Variants in ADAMTS6 observed in about 807,000 individuals in gnomAD.
ADAMTS6 encodes ADAM metallopeptidase with thrombospondin type 1 motif 6, also known as A disintegrin and metalloproteinase with thrombospondin motifs 6.
A neutral mutation model predicts 144.3 loss-of-function variants in ADAMTS6; 23 were observed. That is an observed-to-expected ratio of 0.16 (90% confidence interval 0.11 to 0.23). ADAMTS6 has a LOEUF of 0.23. Among genes scored for constraint, ADAMTS6 ranks in the 10% least tolerant of loss-of-function variants. The pLI, the probability that ADAMTS6 is intolerant of heterozygous loss-of-function variation, is 1.00. For synonymous variants in ADAMTS6, 444 were observed against 457.5 expected, an observed-to-expected ratio of 0.97 and a Z score of 0.38; for missense variants, 999 against 1,379.6, an observed-to-expected ratio of 0.72 and a Z score of 4.37.
At position 65,247,699 on chromosome 5, in the gene ADAMTS6, T is replaced by C. The variant is rs73761866; in HGVS notation, c.1831-5493A>G. Among the ~76,000 whole-genome samples the C allele has an allele frequency of 5.7e-3, 873 of 152,224 alleles. 12 individuals carry two copies. The highest frequency in any genetic ancestry group is 0.02 in the African/African-American group (830 of 41,522). On this transcript the variant is annotated intron_variant, in intron 14 of 24. Transcript: ENST00000381055. ...TTTCCTCTCCTCCTCTAAAGGAAGA[T>C]ATGCAGGCTGGAAGGATAGAATGAC...
intron 11 of ADAMTS6, 77 bp from the exon 12 acceptor site, chr5:65,273,524 C>T: frequency 8.6e-7 from 1 of 1,169,424 alleles, no homozygotes; most frequent in Non-Finnish European, 1.3e-6. Flanking sequence ...CTTACAGTCA[C>T]TCTGCATTAC....
intron 9 of ADAMTS6, among the ~76,000 whole-genome samples, chr5:65,309,463 G>T (rs575672795): frequency 6.0e-4 from 90 of 151,154 alleles, no homozygotes; most frequent in African/African-American, 2.1e-3. Flanking sequence ...ATGTGGCAGT[G>T]GGGGGGTGGG....
intron 14 of ADAMTS6, among the ~76,000 whole-genome samples, chr5:65,246,406 C>A (rs2112516792): frequency 6.6e-6 from 1 of 152,226 alleles, no homozygotes; most frequent in South Asian, 2.1e-4. Flanking sequence ...ATAATCTAGG[C>A]TGCAGGGTTA....
At chr5:65,213,837 CTTTAT>C (rs796488091) in intron 20 of ADAMTS6, among the ~76,000 whole-genome samples, 116 of 152,220 alleles carry the variant, frequency 7.6e-4, no homozygotes, top group African/African-American at 2.7e-3. Flanking sequence ...GGATGATTTA[CTTTAT>C]TTTAATTTTT....
intron 12 of ADAMTS6, among the ~76,000 whole-genome samples, chr5:65,265,337 A>G (rs548079166): frequency 6.6e-6 from 1 of 152,202 alleles, no homozygotes; most frequent in African/African-American, 2.4e-5. Flanking sequence ...CTTGAGAAGG[A>G]GAAAATGTTC....
intron 7 of ADAMTS6, among the ~76,000 whole-genome samples, chr5:65,418,987 G>A (rs992757492): frequency 5.9e-5 from 9 of 152,168 alleles, no homozygotes; most frequent in South Asian, 2.1e-4. Flanking sequence ...AAAGCAGTTC[G>A]GAGATTTTTC....
At chr5:65,439,709 T>C (rs1252310608) in intron 7 of ADAMTS6, among the ~76,000 whole-genome samples, 1 of 152,114 alleles carries the variant, frequency 6.6e-6, no homozygotes, top group Non-Finnish European at 1.5e-5. Context: ...CTGATAAAAT[T>C]TGAGTATGAA....
At chr5:65,159,965 T>G (rs527702374) in intron 24 of ADAMTS6, among the ~76,000 whole-genome samples, 1 of 152,202 alleles carries the variant, frequency 6.6e-6, no homozygotes, top group Non-Finnish European at 1.5e-5. Flanking sequence ...ATGGTGGATG[T>G]TCACTGTAAA....
intron 20 of ADAMTS6, among the ~76,000 whole-genome samples, chr5:65,207,446 G>C (rs1343995361): frequency 5.9e-5 from 9 of 152,086 alleles, no homozygotes; most frequent in Admixed American, 5.9e-4. Flanking sequence ...TTTTCTAACA[G>C]AACAGGTACA....
intron 7 of ADAMTS6, among the ~76,000 whole-genome samples, chr5:65,407,043 C>G (rs1273521353): frequency 6.6e-6 from 1 of 152,062 alleles, no homozygotes; most frequent in East Asian, 1.9e-4. Context: ...AGAATGGAAC[C>G]AAGTTGGAAA....
intron 15 of ADAMTS6, among the ~76,000 whole-genome samples, chr5:65,226,775 G>C (rs941941846): frequency 2.0e-5 from 3 of 152,100 alleles, no homozygotes; most frequent in African/African-American, 7.2e-5. Context: ...TAGAGACAGG[G>C]TTTCACCATG....
At chr5:65,215,018 G>A in intron 19 of ADAMTS6, 86 bp from the exon 20 acceptor site, 1 of 1,470,532 alleles carries the variant, frequency 6.8e-7, no homozygotes, top group South Asian at 1.4e-5. Flanking sequence ...AGAAGAAAAT[G>A]TCAAAACAAG....
At chr5:65,381,424 A>T (rs1158200589) in intron 7 of ADAMTS6, among the ~76,000 whole-genome samples, 1 of 150,396 alleles carries the variant, frequency 6.6e-6, no homozygotes, top group East Asian at 1.9e-4. Flanking sequence ...GTGCAAGGGC[A>T]CCATCTTGGC....
At chr5:65,224,816 T>A in intron 17 of ADAMTS6, 108 bp downstream of exon 17, 1 of 1,317,550 alleles carries the variant, frequency 7.6e-7, no homozygotes, top group South Asian at 1.7e-5. Context: ...GAAGAAAACA[T>A]TGTCTGCCTA....
At chr5:65,415,543 G>A in intron 7 of ADAMTS6, 1 of 341,348 alleles carries the variant, frequency 2.9e-6, no homozygotes, top group Non-Finnish European at 5.8e-6. Context: ...ACCAATCTGG[G>A]CCAGCTAGTC....
intron 7 of ADAMTS6, among the ~76,000 whole-genome samples, chr5:65,404,448 A>G (rs908793937): frequency 6.6e-6 from 1 of 152,162 alleles, no homozygotes; most frequent in South Asian, 2.1e-4. Flanking sequence ...TTCCAGCTTC[A>G]TCCATGTCCC....
At chr5:65,455,362 T>A (rs1261321201) in intron 4 of ADAMTS6, among the ~76,000 whole-genome samples, 3 of 152,056 alleles carry the variant, frequency 2.0e-5, no homozygotes, top group African/African-American at 7.2e-5. Flanking sequence ...GTCAACATGG[T>A]GAAACCTTGT....
intron 7 of ADAMTS6, among the ~76,000 whole-genome samples, chr5:65,340,350 G>A (rs908856096): frequency 6.6e-6 from 1 of 152,054 alleles, no homozygotes; most frequent in African/African-American, 2.4e-5. Flanking sequence ...CGTAACACTA[G>A]CCTGGCCTTA....
intron 7 of ADAMTS6, among the ~76,000 whole-genome samples, chr5:65,334,632 C>T (rs979015061): frequency 6.6e-6 from 1 of 152,088 alleles, no homozygotes; most frequent in African/African-American, 2.4e-5. Context: ...TGTATACCAG[C>T]AAATTAGCAT....
Sources: allele counts gnomAD v4.1 joint callset (sites outside exome capture counted in the v4.1 genomes callset), GRCh38; gene constraint gnomAD v4.1.1; transcripts MANE v1.5; gene names NCBI Gene and HGNC (gene_info 2026-07-23, HGNC 2026-07-21).